STAU2: variants seen among roughly 807,000 people sequenced by gnomAD.
STAU2 encodes the protein staufen double-stranded RNA binding protein 2, also known as double-stranded RNA-binding protein Staufen homolog 2.
In STAU2, 20 loss-of-function variants were observed where a neutral mutation model predicts 65.9. That is an observed-to-expected ratio of 0.30 (90% CI 0.21 to 0.44). STAU2 has a LOEUF of 0.44. Ranked by LOEUF, STAU2 falls within the 20% of genes least tolerant of loss-of-function variation. The pLI is 1.00. For synonymous variants in STAU2, 232 were observed against 233.9 expected, an observed-to-expected ratio of 0.99 and a Z score of 0.07; for missense variants, 558 against 683.9, an observed-to-expected ratio of 0.82 and a Z score of 2.05.
intron 3 of STAU2, among the ~76,000 whole-genome samples, chr8:73,724,705 T>C (rs1255923949): frequency 1.0e-3 from 149 of 145,996 alleles, no homozygotes; most frequent in African/African-American, 3.5e-3. Flanking sequence ...TTTTTTTTTT[T>C]CTGAGTCAAG....
chr8:73,739,706 C>A, intron 2 of STAU2, 50 bp downstream of exon 2: 1 of 1,431,400 alleles, frequency 7.0e-7, no homozygotes, highest in Non-Finnish European at 9.1e-7. Context: ...AAAGAGCACA[C>A]GGCCTGGATA....
rs761773599 is a variant in STAU2, at chr8:73,613,696, T to C, written c.891+48A>G. ...GAAAAATGCTTATCTATAGCTACTA[T>C]AATATTTATTTAGTAAAACTGACTG... is the stretch of plus-strand genomic sequence containing the variant. On this transcript the variant is annotated intron_variant, in intron 9 of 14. Transcript: ENST00000524300. 6 of 1,427,014 alleles carry C rather than the reference T, an allele frequency of 4.2e-6. 1 individual carries two copies. Among genetic ancestry groups the C allele is most frequent in the South Asian group, 2.5e-5 (2 of 79,620 alleles). 88.4% of individuals were successfully genotyped at this position (1,427,014 alleles called of 1,614,324 possible).
At chr8:73,495,570 C>T (rs1232117757) in intron 13 of STAU2, among the ~76,000 whole-genome samples, 2 of 149,870 alleles carry the variant, frequency 1.3e-5, no homozygotes, top group Non-Finnish European at 3.0e-5. Flanking sequence ...TCAATAAAAA[C>T]TTATACTTTT....
intron 9 of STAU2, among the ~76,000 whole-genome samples, chr8:73,605,882 C>CACACACACACACACAT (rs1811994596): frequency 4.4e-5 from 1 of 22,648 alleles, no homozygotes; most frequent in Non-Finnish European, 1.4e-4. Context: ...CACACATACA[C>CACACACACACACACAT]ACACACACAC....
chr8:73,683,376 C>G (rs1332060783), intron 5 of STAU2, among the ~76,000 whole-genome samples: 1 of 151,776 alleles, frequency 6.6e-6, no homozygotes, highest in Admixed American at 6.6e-5. Flanking sequence ...CATGACATCT[C>G]AACAAAGAAA....
intron 13 of STAU2, among the ~76,000 whole-genome samples, chr8:73,434,257 C>T (rs923338073): frequency 1.1e-4 from 4 of 35,472 alleles, no homozygotes; most frequent in Non-Finnish European, 2.1e-4. Context: ...TGTGAGTGGC[C>T]GGCCTCTAGA....
chr8:73,420,826 A>G lies in STAU2; in HGVS notation c.*546T>C, dbSNP rs1816332830. 6.4e-6 allele frequency: 1 copy of G among 155,530 alleles called. No homozygotes were observed. The highest frequency in any genetic ancestry group is 1.4e-5 in the Non-Finnish European group (1 of 70,106). The allele number at this position is 155,530 out of a possible 1,614,324, so 9.6% of individuals were successfully genotyped here. A position where few individuals can be genotyped will look rare whatever the true frequency, so the allele number is the denominator to read the frequency against. On this transcript the variant is annotated 3_prime_UTR_variant, in exon 15 of 15. Transcript: ENST00000524300. ...CATACATCTTTTTGTAGTGCACCTTATAGTTATTCCTACTGATATAGGATG... is the reference window on the plus strand; with the variant it reads ...CATACATCTTTTTGTAGTGCACCTTGTAGTTATTCCTACTGATATAGGATG...
At chr8:73,455,625 C>G (rs1819022029) in intron 13 of STAU2, among the ~76,000 whole-genome samples, 1 of 152,160 alleles carries the variant, frequency 6.6e-6, no homozygotes, top group South Asian at 2.1e-4. Flanking sequence ...GAGGTTATTC[C>G]CTATCCTTAA....
At chr8:73,651,245 T>C (rs1408452892) in intron 6 of STAU2, 3 of 715,770 alleles carry the variant, frequency 4.2e-6, no homozygotes. Context: ...GAGAGGGCTA[T>C]GGCTGGGTTG....
Position 73,440,547 on chromosome 8 carries a change from A to G in STAU2, c.1531-17845T>C, listed in dbSNP as rs533463895. The G allele has an allele frequency of 3.9e-5, 6 of 152,290 alleles. No individual in the cohort carries two copies. In the East Asian group the frequency reaches 1.2e-3, roughly 29 times the overall value. The allele number at this position is 152,290 out of a possible 1,614,324, so 9.4% of individuals were successfully genotyped here. On this transcript the variant is annotated intron_variant, in intron 13 of 14. Transcript: ENST00000524300. ...CAAATTCTGTTGGTTCTTTTTTGAAATGTACTCGGAGGCTACTTCTCACCA... is the reference window on the plus strand; with the variant it reads ...CAAATTCTGTTGGTTCTTTTTTGAAGTGTACTCGGAGGCTACTTCTCACCA...
chr8:73,738,611 A>C (rs1246708622), intron 2 of STAU2, among the ~76,000 whole-genome samples: 1 of 152,224 alleles, frequency 6.6e-6, no homozygotes, highest in Non-Finnish European at 1.5e-5. Flanking sequence ...GTTCACTTGA[A>C]TAACTACGTC....
At chr8:73,575,731 TTGTG>T (rs1216054950) in intron 12 of STAU2, among the ~76,000 whole-genome samples, 1 of 152,078 alleles carries the variant, frequency 6.6e-6, no homozygotes, top group East Asian at 1.9e-4. Context: ...ATATTTGAAT[TTGTG>T]TGTGTATATA....
chr8:73,636,595 G>C (rs1814533582), intron 6 of STAU2, among the ~76,000 whole-genome samples: 1 of 152,178 alleles, frequency 6.6e-6, no homozygotes, highest in Non-Finnish European at 1.5e-5. Flanking sequence ...GGGTGTGGTG[G>C]CTCATGCCTG....
At chr8:73,636,600 T>C (rs1409414975) in intron 6 of STAU2, among the ~76,000 whole-genome samples, 1 of 152,076 alleles carries the variant, frequency 6.6e-6, no homozygotes, top group East Asian at 1.9e-4. Flanking sequence ...TGGTGGCTCA[T>C]GCCTGTAATC....
chr8:73,555,427 TA>T (rs980225112), intron 12 of STAU2, among the ~76,000 whole-genome samples: 10 of 152,186 alleles, frequency 6.6e-5, no homozygotes, highest in African/African-American at 2.2e-4. Context: ...AAGAGTTTTG[TA>T]AGTTTTTTTA....
Position 73,428,299 on chromosome 8 carries a change from T to G in STAU2, c.1531-5597A>C, listed in dbSNP as rs374665697. On this transcript the variant is annotated intron_variant, in intron 13 of 14. Transcript: ENST00000524300. ...CCATGTTGTTGCAAATGACATAATT[T>G]CTTCCTTTTTAAAAGCTGAACATAT... 2.9e-4 allele frequency among the ~76,000 whole-genome samples: 44 copies of G among 152,228 alleles called. No individual in the cohort carries two copies. In the South Asian group the frequency reaches 8.5e-3, roughly 29 times the overall value.
At chr8:73,719,106 A>G (rs571227246) in intron 3 of STAU2, among the ~76,000 whole-genome samples, 28 of 152,300 alleles carry the variant, frequency 1.8e-4, no homozygotes, top group Admixed American at 4.6e-4. Flanking sequence ...TTTTTTTAAA[A>G]TAAGTGTCCA....
At chr8:73,662,537 T>A (rs972848121) in intron 6 of STAU2, among the ~76,000 whole-genome samples, 2 of 152,230 alleles carry the variant, frequency 1.3e-5, no homozygotes, top group African/African-American at 2.4e-5. Flanking sequence ...CTTTTACATA[T>A]ATGTCTATGA....
chr8:73,597,619 G>A (rs1256209810), intron 10 of STAU2, among the ~76,000 whole-genome samples: 5 of 136,876 alleles, frequency 3.7e-5, no homozygotes, highest in African/African-American at 8.2e-5. Context: ...GCAGTGAGCC[G>A]AGATCATGCT....
Sources: allele counts gnomAD v4.1 joint callset (sites outside exome capture counted in the v4.1 genomes callset), GRCh38; gene constraint gnomAD v4.1.1; transcripts MANE v1.5; gene names NCBI Gene and HGNC (gene_info 2026-07-23, HGNC 2026-07-21).